Variants in COL22A1 observed in about 807,000 individuals in gnomAD.
COL22A1 encodes collagen alpha-1(XXII) chain.
Under a neutral mutation model 248.9 loss-of-function variants are expected in COL22A1, and 221 were observed. The ratio of observed to expected loss-of-function variants is 0.89; its 90% confidence interval spans 0.80 to 0.99. The LOEUF (loss-of-function observed/expected upper bound fraction) is 0.99, where lower values mean the gene tolerates loss of function less well. Among genes scored for constraint, COL22A1 ranks in the 50% least tolerant of loss-of-function variants. COL22A1 has a pLI of 0.00. For synonymous variants in COL22A1, 891 were observed against 793.4 expected, an observed-to-expected ratio of 1.12 and a Z score of -2.07; for missense variants, 2,240 against 2,179.0, an observed-to-expected ratio of 1.03 and a Z score of -0.56.
chr8:138,798,455 G>T (rs1170544480), intron 11 of COL22A1, among the ~76,000 whole-genome samples: 2 of 151,784 alleles, frequency 1.3e-5, no homozygotes, highest in East Asian at 1.9e-4. Flanking sequence ...TTCTTAGAGG[G>T]TGCTCTAGAG....
chr8:138,726,052 G>T (rs960078711), intron 23 of COL22A1, among the ~76,000 whole-genome samples: 4 of 152,100 alleles, frequency 2.6e-5, no homozygotes, highest in Non-Finnish European at 5.9e-5. Context: ...ATCATTCATG[G>T]TCTACACTTA....
chr8:138,755,425 T>C (rs1322755386), intron 20 of COL22A1, 57 bp downstream of exon 20: 1 of 1,570,828 alleles, frequency 6.4e-7, no homozygotes, highest in East Asian at 2.2e-5. Flanking sequence ...GGTTGTGGCT[T>C]TTCTGTTTCT....
At position 138,757,117 on chromosome 8, in the gene COL22A1, C is replaced by T. The variant is rs758891544; in HGVS notation, c.1903-1288G>A. ...CACTGCATTCACCACTCTATAGCCC[C>T]TGCAGGCACTTCCAGGACATGAGAA... On this transcript the variant is annotated intron_variant, in intron 18 of 64. Coordinates refer to ENST00000303045, the MANE Select transcript of COL22A1 (RefSeq NM_152888.3). 7.9e-5 allele frequency among the ~76,000 whole-genome samples: 12 copies of T among 152,216 alleles called. 1 individual carries two copies. Among genetic ancestry groups the T allele is most frequent in the South Asian group, 6.2e-4 (3 of 4,828 alleles).
chr8:138,807,527 T>C (rs994043780), intron 10 of COL22A1, among the ~76,000 whole-genome samples: 1 of 152,246 alleles, frequency 6.6e-6, no homozygotes, highest in Non-Finnish European at 1.5e-5. Flanking sequence ...GAGCCAGGGC[T>C]CTGGGAATCT....
intron 30 of COL22A1, among the ~76,000 whole-genome samples, chr8:138,709,334 C>T (rs1405862644): frequency 1.3e-5 from 2 of 152,196 alleles, no homozygotes; most frequent in East Asian, 3.9e-4. Context: ...AAGACACATG[C>T]ACACGTATGT....
chr8:138,832,193 A>G (rs1245020949), intron 5 of COL22A1, among the ~76,000 whole-genome samples: 1 of 152,164 alleles, frequency 6.6e-6, no homozygotes, highest in African/African-American at 2.4e-5. Context: ...TTTGTTTAGC[A>G]TATCATCAAA....
At chr8:138,652,129 G>A (rs536125105) in intron 45 of COL22A1, among the ~76,000 whole-genome samples, 4 of 152,288 alleles carry the variant, frequency 2.6e-5, no homozygotes, top group East Asian at 1.9e-4. Flanking sequence ...GGAGCCCCCC[G>A]AGTCCCTCCT....
intron 24 of COL22A1, 146 bp from the exon 25 acceptor site, chr8:138,724,814 A>C: frequency 1.4e-6 from 1 of 725,514 alleles, no homozygotes; most frequent in Non-Finnish European, 2.4e-6. Context: ...TCCGCTGTGA[A>C]ACGCGGAGTT....
intron 49 of COL22A1, among the ~76,000 whole-genome samples, chr8:138,633,475 G>A (rs1223409278): frequency 6.6e-6 from 1 of 152,198 alleles, no homozygotes. Context: ...TTGGGAACAT[G>A]TTATGGGGTT....
chr8:138,751,635 G>A, intron 21 of COL22A1, 124 bp from the exon 22 acceptor site: 2 of 556,820 alleles, frequency 3.6e-6, no homozygotes, highest in South Asian at 3.1e-5. Context: ...CATTCTGATG[G>A]GGAAATTCGG....
At chr8:138,646,579 T>G (rs375259721) in intron 47 of COL22A1, 50 bp downstream of exon 47, 1 of 1,384,288 alleles carries the variant, frequency 7.2e-7, no homozygotes, top group Non-Finnish European at 9.8e-7. Context: ...AGATTAACCA[T>G]TGAGATGAGC....
chr8:138,769,569 G>C (rs980902754), intron 16 of COL22A1, among the ~76,000 whole-genome samples: 3 of 152,086 alleles, frequency 2.0e-5, no homozygotes, highest in African/African-American at 7.2e-5. Context: ...CCACCACCCT[G>C]TTCTAGGAGC....
intron 1 of COL22A1, among the ~76,000 whole-genome samples, chr8:138,902,737 TATACACACACACACAC>T (rs1262655984): frequency 1.1e-3 from 122 of 107,060 alleles, no homozygotes; most frequent in Admixed American, 2.8e-3. Flanking sequence ...TATATATATA[TATACACACACACACAC>T]ACACACACAC....
chr8:138,597,041 G>C, intron 61 of COL22A1, 71 bp from the exon 62 acceptor site: 1 of 1,351,970 alleles, frequency 7.4e-7, no homozygotes, highest in Non-Finnish European at 1.1e-6. Context: ...CTGAGGACTT[G>C]GGAAACCAGG....
chr8:138,834,367 A>ATGGACT (rs1820278238), intron 4 of COL22A1, among the ~76,000 whole-genome samples: 1 of 152,114 alleles, frequency 6.6e-6, no homozygotes, highest in Non-Finnish European at 1.5e-5. Context: ...AAAACAGGAA[A>ATGGACT]TGGACTTGTA....
At chr8:138,891,089 G>A (rs922747010) in intron 1 of COL22A1, among the ~76,000 whole-genome samples, 1 of 152,044 alleles carries the variant, frequency 6.6e-6, no homozygotes, top group African/African-American at 2.4e-5. Context: ...CTAGGAAAAT[G>A]ATTTCATTCA....
intron 1 of COL22A1, among the ~76,000 whole-genome samples, chr8:138,893,859 A>C (rs952312406): frequency 2.1e-4 from 32 of 152,226 alleles, no homozygotes; most frequent in African/African-American, 7.0e-4. Context: ...GTCAGTGGAC[A>C]TGGTGTCATG....
chr8:138,864,064 C>T (rs1047323203), intron 3 of COL22A1, among the ~76,000 whole-genome samples: 2 of 152,176 alleles, frequency 1.3e-5, no homozygotes, highest in Admixed American at 1.3e-4. Flanking sequence ...TCTGGACCTC[C>T]TCCAGTTTTA....
intron 1 of COL22A1, among the ~76,000 whole-genome samples, chr8:138,899,432 C>T (rs752666561): frequency 2.6e-5 from 4 of 152,220 alleles, no homozygotes; most frequent in Non-Finnish European, 5.9e-5. Context: ...CTCAAGGGTT[C>T]AGTCAGTGCT....
Sources: allele counts gnomAD v4.1 joint callset (sites outside exome capture counted in the v4.1 genomes callset), GRCh38; gene constraint gnomAD v4.1.1; transcripts MANE v1.5; gene names NCBI Gene and HGNC (gene_info 2026-07-23, HGNC 2026-07-21).